The following KCNIP4 variants were observed in gnomAD, a reference collection of about 807,000 sequenced individuals.
KCNIP4 encodes Kv channel-interacting protein 4.
KCNIP4 carries 12 observed loss-of-function variants against 34.0 expected under a neutral mutation model. The ratio of observed to expected loss-of-function variants is 0.35; its 90% CI spans 0.23 to 0.57. The LOEUF (loss-of-function observed/expected upper bound fraction) is 0.57, where lower values mean the gene tolerates loss of function less well. KCNIP4 is among the 20% of genes least tolerant of loss of function. The pLI is 0.83. For synonymous variants in KCNIP4, 124 were observed against 102.2 expected, an observed-to-expected ratio of 1.21 and a Z score of -1.29; for missense variants, 238 against 311.7, an observed-to-expected ratio of 0.76 and a Z score of 1.78.
chr4:21,098,017 C>A (rs895925683), intron 1 of KCNIP4, among the ~76,000 whole-genome samples: 2 of 152,142 alleles, frequency 1.3e-5, no homozygotes, highest in African/African-American at 4.8e-5. Flanking sequence ...CTGAAACAAT[C>A]TTATTGCTGA....
intron 3 of KCNIP4, among the ~76,000 whole-genome samples, chr4:20,849,976 T>C (rs544849619): frequency 6.6e-6 from 1 of 152,292 alleles, no homozygotes; most frequent in African/African-American, 2.4e-5. Context: ...CCCCACCCTC[T>C]GGGGTTTTCT....
intron 1 of KCNIP4, among the ~76,000 whole-genome samples, chr4:21,892,534 A>AT (rs1243029254): frequency 7.6e-6 from 1 of 131,430 alleles, no homozygotes; most frequent in Non-Finnish European, 1.6e-5. Context: ...AAAAAAAAAA[A>AT]GCAAAAGCAA....
chr4:20,812,393 C>T (rs191006562), intron 3 of KCNIP4, among the ~76,000 whole-genome samples: 179 of 152,150 alleles, frequency 1.2e-3, no homozygotes, highest in African/African-American at 4.0e-3. Context: ...TGGATGGCTA[C>T]ACGATACCTT....
chr4:21,657,614 T>C (rs1181506805), intron 1 of KCNIP4, among the ~76,000 whole-genome samples: 1 of 152,208 alleles, frequency 6.6e-6, no homozygotes, highest in Non-Finnish European at 1.5e-5. Context: ...CTCCACAATG[T>C]ATCAAAGTAG....
intron 1 of KCNIP4, among the ~76,000 whole-genome samples, chr4:20,975,024 T>C (rs1577468211): frequency 6.6e-6 from 1 of 152,296 alleles, no homozygotes; most frequent in East Asian, 1.9e-4. Context: ...TTCAAAATAA[T>C]GTCATGAGGT....
chr4:20,876,886 A>G (rs981936962), intron 2 of KCNIP4, among the ~76,000 whole-genome samples: 1 of 152,136 alleles, frequency 6.6e-6, no homozygotes, highest in Non-Finnish European at 1.5e-5. Flanking sequence ...AAGAAATCTT[A>G]TAAGAGGAGT....
At chr4:21,295,721 T>A (rs1460974721) in intron 1 of KCNIP4, among the ~76,000 whole-genome samples, 1 of 152,166 alleles carries the variant, frequency 6.6e-6, no homozygotes, top group Non-Finnish European at 1.5e-5. Flanking sequence ...CTTTGATAAA[T>A]AACACCCTGT....
chr4:21,000,310 A>T (rs1011214220), intron 1 of KCNIP4, among the ~76,000 whole-genome samples: 6 of 152,116 alleles, frequency 3.9e-5, no homozygotes, highest in Non-Finnish European at 7.3e-5. Flanking sequence ...ATTCTACAGA[A>T]AAAAAAGATA....
At chr4:21,928,646 T>A (rs1331647897) in intron 1 of KCNIP4, among the ~76,000 whole-genome samples, 1 of 152,128 alleles carries the variant, frequency 6.6e-6, no homozygotes, top group Non-Finnish European at 1.5e-5. Flanking sequence ...ACAGTGTATG[T>A]CTGACTCTTG....
chr4:20,882,446 A>C (rs940657021), intron 2 of KCNIP4, among the ~76,000 whole-genome samples, 162 bp downstream of exon 2: 4 of 152,130 alleles, frequency 2.6e-5, no homozygotes, highest in African/African-American at 9.7e-5. Flanking sequence ...ATGACTCCTA[A>C]TTGCCCAAAT....
intron 1 of KCNIP4, among the ~76,000 whole-genome samples, chr4:21,806,833 G>T (rs184724169): frequency 6.6e-6 from 1 of 152,096 alleles, no homozygotes; most frequent in East Asian, 1.9e-4. Context: ...ACCAGGGATC[G>T]GTTTAGTGGA....
chr4:21,461,497 G>T (rs1577398129), intron 1 of KCNIP4, among the ~76,000 whole-genome samples: 1 of 151,684 alleles, frequency 6.6e-6, no homozygotes, highest in Non-Finnish European at 1.5e-5. Context: ...GTTCATGGCA[G>T]ATTTAAAGTA....
chr4:20,731,078 C>CT (rs1236408360), intron 8 of KCNIP4, among the ~76,000 whole-genome samples: 1 of 152,046 alleles, frequency 6.6e-6, no homozygotes, highest in Non-Finnish European at 1.5e-5. Context: ...TTGAAAAATT[C>CT]TTTTTTTCTT....
rs1272883578 is a variant in KCNIP4 at position 20,883,995 on chromosome 4, T to C, written c.62-1286A>G. Reference sequence around the variant, plus strand: ...TCTCTCTGCTTTCTGGGCCATCCACTATTGGCCACACTACCCTTTTTGCCT... The same window carrying C: ...TCTCTCTGCTTTCTGGGCCATCCACCATTGGCCACACTACCCTTTTTGCCT... On this transcript the variant is annotated intron_variant, in intron 1 of 8. Coordinates refer to ENST00000382152, the MANE Select transcript of KCNIP4 (RefSeq NM_025221.6). Among the ~76,000 whole-genome samples the C allele has an allele frequency of 2.0e-5, 3 of 152,304 alleles. No individual in the cohort carries two copies. In the East Asian group the frequency reaches 5.8e-4, roughly 29 times the overall value.
intron 1 of KCNIP4, among the ~76,000 whole-genome samples, chr4:21,504,247 C>T (rs1733603844): frequency 6.6e-6 from 1 of 151,948 alleles, no homozygotes; most frequent in Non-Finnish European, 1.5e-5. Context: ...GCGGGTGGAT[C>T]ACCTGAGGTC....
intron 1 of KCNIP4, among the ~76,000 whole-genome samples, chr4:21,331,330 T>C (rs542482989): frequency 6.6e-6 from 1 of 152,256 alleles, no homozygotes; most frequent in East Asian, 1.9e-4. Flanking sequence ...CTTCCCTTCC[T>C]TTCTTCCCTT....
At chr4:20,967,161 T>C (rs1187865351) in intron 1 of KCNIP4, among the ~76,000 whole-genome samples, 3 of 152,200 alleles carry the variant, frequency 2.0e-5, no homozygotes, top group East Asian at 3.9e-4. Context: ...TGAGCTTTCA[T>C]GTCTTCTTGC....
chr4:20,827,730 G>A (rs2149453024), intron 3 of KCNIP4, among the ~76,000 whole-genome samples: 1 of 150,940 alleles, frequency 6.6e-6, no homozygotes. Context: ...TAAGCACATA[G>A]AGCAAAGCTG....
intron 1 of KCNIP4, among the ~76,000 whole-genome samples, chr4:21,874,945 ACT>A (rs1330800327): frequency 6.6e-6 from 1 of 152,098 alleles, no homozygotes; most frequent in Admixed American, 6.6e-5. Flanking sequence ...TGGTTCTCGA[ACT>A]CTTATTGCTG....
Sources: gnomAD v4.1 joint callset for allele counts (sites outside exome capture counted in the v4.1 genomes callset) on GRCh38, gnomAD v4.1.1 for gene constraint, MANE v1.5 for transcripts, NCBI Gene and HGNC (gene_info 2026-07-23, HGNC 2026-07-21) for gene names.